The following DGKB variants were observed in gnomAD, a reference collection of about 807,000 sequenced individuals.
The protein encoded by DGKB is diacylglycerol kinase beta.
Under a neutral mutation model 114.3 loss-of-function variants are expected in DGKB, and 67 were observed. That is an observed-to-expected ratio of 0.59 (90% CI 0.48 to 0.72). The LOEUF is 0.72. Among genes scored for constraint, DGKB ranks in the 30% least tolerant of loss-of-function variants. The pLI, the probability that DGKB is intolerant of heterozygous loss-of-function variation, is 0.00. For missense variants in DGKB, 907 were observed against 975.2 expected (o/e 0.93, Z 0.93); for synonymous variants, 398 against 323.1 (o/e 1.23, Z -2.49).
intron 20 of DGKB, among the ~76,000 whole-genome samples, chr7:14,525,622 G>C (rs563877226): frequency 9.2e-5 from 14 of 152,188 alleles, no homozygotes; most frequent in Admixed American, 9.2e-4. Context: ...ACATAACACT[G>C]TTGACAGTAG....
chr7:14,825,304 C>T (rs1019859833), intron 2 of DGKB, among the ~76,000 whole-genome samples: 3 of 151,662 alleles, frequency 2.0e-5, no homozygotes, highest in Admixed American at 1.3e-4. Context: ...AATTCAAGTG[C>T]ATTACGTTTA....
At chr7:14,315,698 C>T (rs1459884166) in intron 23 of DGKB, among the ~76,000 whole-genome samples, 3 of 149,548 alleles carry the variant, frequency 2.0e-5, no homozygotes, top group Non-Finnish European at 4.4e-5. Context: ...ACTTTAACAC[C>T]CCACTGTCAA....
intron 5 of DGKB, among the ~76,000 whole-genome samples, chr7:14,719,796 G>A (rs1398405316): frequency 2.6e-5 from 4 of 152,190 alleles, no homozygotes; most frequent in African/African-American, 9.7e-5. Flanking sequence ...CATTGGTGAT[G>A]TTGTCACTAA....
chr7:14,244,432 G>A (rs991029445), intron 23 of DGKB, among the ~76,000 whole-genome samples: 2 of 151,814 alleles, frequency 1.3e-5, no homozygotes, highest in Admixed American at 6.6e-5. Flanking sequence ...TGAGGTGGGC[G>A]GATCACAAGG....
At chr7:14,564,114 A>G (rs1044153085) in intron 20 of DGKB, among the ~76,000 whole-genome samples, 4 of 152,078 alleles carry the variant, frequency 2.6e-5, no homozygotes, top group Admixed American at 1.3e-4. Flanking sequence ...AGAGCTGAAA[A>G]TTTTTGTCTG....
At chr7:14,564,090 G>A (rs1797054053) in intron 20 of DGKB, among the ~76,000 whole-genome samples, 1 of 152,104 alleles carries the variant, frequency 6.6e-6, no homozygotes, top group South Asian at 2.1e-4. Context: ...TTTTATTTAA[G>A]CAGGCAGAAG....
intron 20 of DGKB, among the ~76,000 whole-genome samples, chr7:14,509,411 A>G (rs1787629424): frequency 6.6e-6 from 1 of 152,112 alleles, no homozygotes; most frequent in Admixed American, 6.6e-5. Flanking sequence ...TCAGGGAGAT[A>G]ACACTCCCTT....
At chr7:14,634,049 T>C (rs1454927604) in intron 13 of DGKB, among the ~76,000 whole-genome samples, 2 of 151,534 alleles carry the variant, frequency 1.3e-5, no homozygotes, top group Non-Finnish European at 3.0e-5. Context: ...TAAGATATAA[T>C]GAGAGCACAG....
rs924619649 is a variant in DGKB at position 14,806,334 on chromosome 7, C to T, written c.70+34860G>A. Among the ~76,000 whole-genome samples the T allele has an allele frequency of 4.6e-5, 7 of 151,968 alleles. 1 individual carries two copies. Among genetic ancestry groups the T allele is most frequent in the Non-Finnish European group, 1.0e-4 (7 of 67,942 alleles). ...ATTACCTCACATTGTACTATATATA[C>T]ATTATATGGCTATAGAGTCTACAAT... On this transcript the variant is annotated intron_variant, in intron 2 of 25. Coordinates refer to ENST00000402815, the MANE Select transcript of DGKB (RefSeq NM_001350709.2).
chr7:14,739,457 G>A (rs1832227046), intron 4 of DGKB, among the ~76,000 whole-genome samples: 1 of 152,126 alleles, frequency 6.6e-6, no homozygotes, highest in Admixed American at 6.5e-5. Context: ...CAATTTGTGA[G>A]GTGGAAACCC....
At chr7:14,194,894 A>G (rs1334226911) in intron 23 of DGKB, among the ~76,000 whole-genome samples, 2 of 151,972 alleles carry the variant, frequency 1.3e-5, no homozygotes, top group Admixed American at 1.3e-4. Flanking sequence ...ATTGTCAACA[A>G]CCTCTCTATA....
At chr7:14,729,316 G>A (rs887695037) in intron 5 of DGKB, among the ~76,000 whole-genome samples, 4 of 151,342 alleles carry the variant, frequency 2.6e-5, no homozygotes, top group Non-Finnish European at 5.9e-5. Context: ...TAGAGACCAG[G>A]TTTCACCGTG....
chr7:14,316,157 A>G lies in DGKB; in HGVS notation c.2122+22358T>C, dbSNP rs1042973610. ...CAGTGTGTAGAGGGAAATTTATAGC[A>G]CTAAATACCCACAAGAGAAAGCAGG... On this transcript the variant is annotated intron_variant, in intron 23 of 25. Transcript: ENST00000402815. Among the ~76,000 whole-genome samples, 590 of 152,174 alleles carry G rather than the reference A, an allele frequency of 3.9e-3. 4 individuals are homozygous for G. The highest frequency in any genetic ancestry group is 0.013 in the African/African-American group (548 of 41,500).
chr7:14,325,020 G>A (rs766451251), intron 23 of DGKB, among the ~76,000 whole-genome samples: 7 of 152,154 alleles, frequency 4.6e-5, no homozygotes, highest in Non-Finnish European at 8.8e-5. Flanking sequence ...AAAGAGTTTT[G>A]CAGCATAGGT....
At chr7:14,433,583 G>C (rs1326157851) in intron 21 of DGKB, among the ~76,000 whole-genome samples, 3 of 152,178 alleles carry the variant, frequency 2.0e-5, no homozygotes, top group East Asian at 3.9e-4. Flanking sequence ...ATAAGTGAAA[G>C]ATTAAATCAT....
chr7:14,312,317 A>G (rs1805532257), intron 23 of DGKB, among the ~76,000 whole-genome samples: 1 of 152,234 alleles, frequency 6.6e-6, no homozygotes, highest in Non-Finnish European at 1.5e-5. Context: ...AACACTTTCA[A>G]GAGATTAATG....
chr7:14,162,483 C>G (rs1364646049), intron 25 of DGKB, among the ~76,000 whole-genome samples: 3 of 152,098 alleles, frequency 2.0e-5, no homozygotes, highest in Non-Finnish European at 4.4e-5. Context: ...TATTACATAT[C>G]TGGCATATTT....
chr7:14,731,244 G>A lies in DGKB; in HGVS notation c.322+4797C>T, dbSNP rs183272431. 2.5e-3 allele frequency among the ~76,000 whole-genome samples: 375 copies of A among 152,310 alleles called. 1 individual carries two copies. The highest frequency in any genetic ancestry group is 3.8e-3 in the Non-Finnish European group (257 of 68,028). On this transcript the variant is annotated intron_variant, in intron 5 of 25. Transcript: ENST00000402815. ...ATTAATGAACTTTCAAACACAGTTA[G>A]TTTGGTATCTAACTGTTTGAAAGAT...
At chr7:14,296,798 T>C (rs1584993858) in intron 23 of DGKB, among the ~76,000 whole-genome samples, 1 of 123,368 alleles carries the variant, frequency 8.1e-6, no homozygotes, top group African/African-American at 3.2e-5. Flanking sequence ...ATTAACAAGA[T>C]AGACCACTAG....
Sources: allele counts gnomAD v4.1 joint callset (sites outside exome capture counted in the v4.1 genomes callset), GRCh38; gene constraint gnomAD v4.1.1; transcripts MANE v1.5; gene names NCBI Gene and HGNC (gene_info 2026-07-23, HGNC 2026-07-21).